The following LUZP2 variants were observed in gnomAD, a reference collection of about 807,000 sequenced individuals.
LUZP2 encodes the protein leucine zipper protein 2.
A neutral mutation model predicts 51.6 loss-of-function variants in LUZP2; 52 were observed. The ratio of observed to expected loss-of-function variants is 1.01; its 90% CI spans 0.81 to 1.27. LUZP2 has a LOEUF of 1.27. Ranked by LOEUF, LUZP2 falls within the 50% of genes most tolerant of loss-of-function variation. The pLI, the probability that LUZP2 is intolerant of heterozygous loss-of-function variation, is 0.00. For synonymous variants in LUZP2, 154 were observed against 137.3 expected, an observed-to-expected ratio of 1.12 and a Z score of -0.85; for missense variants, 436 against 395.4, an observed-to-expected ratio of 1.10 and a Z score of -0.87.
chr11:25,040,561 C>T (rs897427577), intron 9 of LUZP2, among the ~76,000 whole-genome samples: 2 of 151,976 alleles, frequency 1.3e-5, no homozygotes, highest in African/African-American at 2.4e-5. Context: ...ATAATCCAAA[C>T]GCTATTTGAT....
intron 5 of LUZP2, among the ~76,000 whole-genome samples, chr11:24,903,390 T>G (rs764708710): frequency 6.6e-6 from 1 of 152,096 alleles, no homozygotes; most frequent in Non-Finnish European, 1.5e-5. Context: ...AAATTTTAGC[T>G]AAAGAGGAAA....
intron 7 of LUZP2, among the ~76,000 whole-genome samples, chr11:24,919,746 C>T (rs1461818524): frequency 2.7e-5 from 4 of 149,774 alleles, no homozygotes; most frequent in South Asian, 2.1e-4. Context: ...TTTTATGAAA[C>T]ATTTATCTAA....
chr11:24,681,881 GA>G (rs1856747726), intron 1 of LUZP2, among the ~76,000 whole-genome samples: 1 of 151,838 alleles, frequency 6.6e-6, no homozygotes, highest in African/African-American at 2.4e-5. Context: ...TTGCATTTTT[GA>G]AATAAAAAAA....
chr11:24,946,465 A>C (rs1449741694), intron 7 of LUZP2, among the ~76,000 whole-genome samples: 5 of 151,866 alleles, frequency 3.3e-5, no homozygotes, highest in African/African-American at 9.7e-5. Flanking sequence ...CTAATATAAA[A>C]TTTTTAATTC....
intron 7 of LUZP2, among the ~76,000 whole-genome samples, chr11:24,953,317 AG>A (rs1392190528): frequency 3.3e-5 from 5 of 151,966 alleles, no homozygotes; most frequent in African/African-American, 1.2e-4. Flanking sequence ...AAATAGCCCT[AG>A]GGGACCATGA....
intron 7 of LUZP2, among the ~76,000 whole-genome samples, chr11:24,969,713 A>G (rs919571661): frequency 1.3e-5 from 2 of 152,152 alleles, no homozygotes; most frequent in African/African-American, 2.4e-5. Flanking sequence ...GAGTTAAGAG[A>G]TAGAGTGATT....
chr11:24,624,716 A>G (rs1854618954), intron 1 of LUZP2, among the ~76,000 whole-genome samples: 1 of 152,196 alleles, frequency 6.6e-6, no homozygotes, highest in African/African-American at 2.4e-5. Flanking sequence ...TTATCCTATT[A>G]TGTTATTAGC....
intron 9 of LUZP2, among the ~76,000 whole-genome samples, chr11:24,989,084 T>G (rs964924730): frequency 7.0e-6 from 1 of 143,220 alleles, no homozygotes; most frequent in Non-Finnish European, 1.5e-5. Flanking sequence ...ATAAAAAGGC[T>G]TAGATTCCTG....
At chr11:24,804,685 G>A (rs551258623) in intron 5 of LUZP2, among the ~76,000 whole-genome samples, 2 of 152,234 alleles carry the variant, frequency 1.3e-5, no homozygotes, top group South Asian at 2.1e-4. Flanking sequence ...CTCATGACCT[G>A]TTTTAGAGAA....
intron 5 of LUZP2, among the ~76,000 whole-genome samples, chr11:24,849,175 G>T (rs181375564): frequency 1.1e-3 from 163 of 152,122 alleles, no homozygotes; most frequent in Non-Finnish European, 1.8e-3. Flanking sequence ...TATATGTGCA[G>T]AACGTACAGC....
At chr11:24,858,356 C>T (rs115637694) in intron 5 of LUZP2, among the ~76,000 whole-genome samples, 1,772 of 152,142 alleles carry the variant, frequency 0.012, 27 homozygotes, top group African/African-American at 0.04. Context: ...TTGAGAGATG[C>T]TATTTATCTT....
At chr11:24,876,415 C>T (rs3929310) in intron 5 of LUZP2, among the ~76,000 whole-genome samples, 64,574 of 147,786 alleles carry the variant, frequency 0.44, 14,325 homozygotes, top group Non-Finnish European at 0.47. Context: ...TGTAGATATG[C>T]GGCGTTATTT....
intron 10 of LUZP2, among the ~76,000 whole-genome samples, chr11:25,061,530 T>C (rs544299330): frequency 6.6e-6 from 1 of 152,190 alleles, no homozygotes; most frequent in Admixed American, 6.6e-5. Context: ...AACCGCATAG[T>C]GAAGCAGTTG....
chr11:24,758,928 A>G (rs185128321), intron 4 of LUZP2, among the ~76,000 whole-genome samples: 5 of 152,228 alleles, frequency 3.3e-5, no homozygotes, highest in Non-Finnish European at 7.4e-5. Flanking sequence ...AATATGAAAA[A>G]AGATGTATAT....
At chr11:24,979,333 T>C (rs536273097) in intron 8 of LUZP2, among the ~76,000 whole-genome samples, 1 of 151,878 alleles carries the variant, frequency 6.6e-6, no homozygotes, top group East Asian at 1.9e-4. Flanking sequence ...AAGATACATA[T>C]GAGGTTCATA....
intron 5 of LUZP2, among the ~76,000 whole-genome samples, chr11:24,769,441 T>G (rs1281192796): frequency 6.6e-6 from 1 of 152,202 alleles, no homozygotes; most frequent in African/African-American, 2.4e-5. Context: ...GATATGCTGA[T>G]TACTCTGACT....
At chr11:24,596,688 A>G (rs1198569889) in intron 1 of LUZP2, among the ~76,000 whole-genome samples, 1 of 152,178 alleles carries the variant, frequency 6.6e-6, no homozygotes. Flanking sequence ...TTCTGTGTTA[A>G]TCAAAAACAA....
At chr11:24,629,063 ATCAGC>A (rs1854786716) in intron 1 of LUZP2, among the ~76,000 whole-genome samples, 1 of 152,156 alleles carries the variant, frequency 6.6e-6, no homozygotes, top group South Asian at 2.1e-4. Context: ...AATTTATCTT[ATCAGC>A]TGATAATACA....
At chr11:24,859,875 G>T (rs144386020) in intron 5 of LUZP2, among the ~76,000 whole-genome samples, 1 of 152,310 alleles carries the variant, frequency 6.6e-6, no homozygotes, top group African/African-American at 2.4e-5. Context: ...CCAAGCCACT[G>T]GGGCCTAGTG....
Sources: gnomAD v4.1 joint callset for allele counts (sites outside exome capture counted in the v4.1 genomes callset) on GRCh38, gnomAD v4.1.1 for gene constraint, MANE v1.5 for transcripts, NCBI Gene and HGNC (gene_info 2026-07-23, HGNC 2026-07-21) for gene names.